SPARCL1: variants seen among roughly 807,000 people sequenced by gnomAD.
SPARCL1 encodes the protein SPARC like 1.
SPARCL1 carries 52 observed loss-of-function variants against 67.1 expected under a neutral mutation model. That is an observed-to-expected ratio of 0.78 (90% CI 0.62 to 0.98). SPARCL1 has a LOEUF of 0.98. Among genes scored for constraint, SPARCL1 ranks in the 50% least tolerant of loss-of-function variants. The pLI is 0.00. For missense variants in SPARCL1, 717 were observed against 782.4 expected (o/e 0.92, Z 1.00); for synonymous variants, 226 against 267.8 (o/e 0.84, Z 1.52).
At chr4:87,492,380 T>A (rs1379736263) in intron 4 of SPARCL1, among the ~76,000 whole-genome samples, 1 of 146,148 alleles carries the variant, frequency 6.8e-6, no homozygotes, top group East Asian at 2.0e-4. Context: ...ATTGCGCCAC[T>A]GCACTCCAAC....
chr4:87,490,769 G>T lies in SPARCL1; in HGVS notation c.1401C>A (p.Pro467=). 6.2e-7 allele frequency: 1 copy of T among 1,600,966 alleles called. No individual in the cohort carries two copies. Among genetic ancestry groups the T allele is most frequent in the Non-Finnish European group, 8.5e-7 (1 of 1,170,760 alleles). Residue 467 remains proline (P), a synonymous_variant, in exon 6 of 11, where the codon CCC becomes CCA. Transcript: ENST00000282470. ...TTTGCAGAATACTTACTTGATCAAG[G>T]GGTTTTGTTGGAGGACAAGTCACTG... ...QDPVTCPPTK[P]LDQVCGTDNQ...
intron 1 of SPARCL1, among the ~76,000 whole-genome samples, chr4:87,513,678 T>C (rs1054047533): frequency 2.0e-5 from 3 of 152,170 alleles, no homozygotes; most frequent in African/African-American, 4.8e-5. Context: ...TAACTACATA[T>C]GTCTTGTATT....
chr4:87,497,469 C>T lies in SPARCL1; in HGVS notation c.54+2052G>A, dbSNP rs138402270. On this transcript the variant is annotated intron_variant, in intron 2 of 10. Coordinates refer to ENST00000282470, the MANE Select transcript of SPARCL1 (RefSeq NM_004684.6). ...CACACAAAAAATGGCAGCTCTTTTA[C>T]TTTCAGAAATATTCTGCAATTGAAA... Among the ~76,000 whole-genome samples the T allele has an allele frequency of 1.3e-4, 20 of 152,322 alleles. No individual in the cohort carries two copies. The East Asian group carries it at 3.7e-3, about 28-fold the overall frequency.
intron 7 of SPARCL1, among the ~76,000 whole-genome samples, chr4:87,484,331 A>G (rs1007833850): frequency 6.6e-6 from 1 of 150,742 alleles, no homozygotes; most frequent in Non-Finnish European, 1.5e-5. Context: ...ACCATTTATT[A>G]AATAAGGAAT....
At chr4:87,476,175 GCCTCTATTTA>G (rs986453927) in intron 10 of SPARCL1, among the ~76,000 whole-genome samples, 9 of 152,154 alleles carry the variant, frequency 5.9e-5, no homozygotes, top group East Asian at 1.9e-4. Context: ...AGTGGAAGAT[GCCTCTATTTA>G]CCTCTATTTA....
intron 8 of SPARCL1, among the ~76,000 whole-genome samples, chr4:87,481,256 C>T (rs547687234): frequency 2.6e-5 from 4 of 152,284 alleles, no homozygotes; most frequent in South Asian, 2.1e-4. Context: ...GGACATGTAT[C>T]GAAGAACGCC....
intron 1 of SPARCL1, among the ~76,000 whole-genome samples, chr4:87,520,316 T>C (rs1326145318): frequency 6.6e-6 from 1 of 150,656 alleles, no homozygotes; most frequent in East Asian, 2.0e-4. Flanking sequence ...AATTCACTAA[T>C]TTATTTATCA....
intron 1 of SPARCL1, among the ~76,000 whole-genome samples, chr4:87,521,391 T>C (rs1252475354): frequency 6.6e-6 from 1 of 152,184 alleles, no homozygotes; most frequent in Non-Finnish European, 1.5e-5. Flanking sequence ...CAGTCATCCA[T>C]ACCTCTGAAA....
intron 4 of SPARCL1, among the ~76,000 whole-genome samples, chr4:87,492,347 G>A (rs376736396): frequency 2.6e-5 from 4 of 151,606 alleles, no homozygotes; most frequent in Non-Finnish European, 1.5e-5. Flanking sequence ...GAACCTGGGA[G>A]GCAGAGGTTG....
chr4:87,479,378 G>A (rs1183956601), intron 10 of SPARCL1, 52 bp downstream of exon 10: 2 of 1,584,190 alleles, frequency 1.3e-6, no homozygotes, highest in African/African-American at 2.7e-5. Flanking sequence ...CAGGGCTTAG[G>A]GCTTGTCTGA....
intron 7 of SPARCL1, among the ~76,000 whole-genome samples, chr4:87,486,452 C>A (rs1442679123): frequency 6.6e-6 from 1 of 152,044 alleles, no homozygotes; most frequent in Non-Finnish European, 1.5e-5. Flanking sequence ...TCCATTCTTT[C>A]ACATCTGCTG....
intron 1 of SPARCL1, among the ~76,000 whole-genome samples, chr4:87,513,667 T>C (rs1291297616): frequency 6.6e-6 from 1 of 152,146 alleles, no homozygotes. Context: ...ATATCTTGTA[T>C]TAACTACATA....
intron 1 of SPARCL1, among the ~76,000 whole-genome samples, chr4:87,522,878 C>T (rs1046204762): frequency 1.1e-4 from 16 of 151,930 alleles, no homozygotes; most frequent in African/African-American, 1.9e-4. Context: ...CAAATCCTGC[C>T]GTAAAAAAGA....
intron 1 of SPARCL1, among the ~76,000 whole-genome samples, chr4:87,501,868 G>A (rs748136482): frequency 2.6e-5 from 4 of 151,450 alleles, no homozygotes; most frequent in Admixed American, 6.6e-5. Context: ...AGAATTCTGG[G>A]GTTGATTCTC....
chr4:87,478,388 T>C (rs1489834273), intron 10 of SPARCL1, among the ~76,000 whole-genome samples: 2 of 152,080 alleles, frequency 1.3e-5, no homozygotes, highest in African/African-American at 4.8e-5. Flanking sequence ...TGTGTGTGTG[T>C]GTGGTGAGAA....
At chr4:87,474,807 G>A (rs529023389) in intron 10 of SPARCL1, among the ~76,000 whole-genome samples, 49 of 146,430 alleles carry the variant, frequency 3.3e-4, no homozygotes, top group African/African-American at 7.7e-4. Flanking sequence ...AAGTGGCGCA[G>A]TCTCGGCTCA....
At chr4:87,489,233 G>T (rs899425136) in intron 7 of SPARCL1, among the ~76,000 whole-genome samples, 7 of 152,210 alleles carry the variant, frequency 4.6e-5, no homozygotes, top group African/African-American at 1.7e-4. Flanking sequence ...GCACCCGAAG[G>T]AATCTCCTGG....
At chr4:87,518,316 C>T (rs1175777541) in intron 1 of SPARCL1, among the ~76,000 whole-genome samples, 1 of 152,132 alleles carries the variant, frequency 6.6e-6, no homozygotes, top group African/African-American at 2.4e-5. Flanking sequence ...TCCCCTCAAG[C>T]CAGGCTTAAT....
At chr4:87,482,674 C>A in intron 7 of SPARCL1, 114 bp from the exon 8 acceptor site, 1 of 1,100,120 alleles carries the variant, frequency 9.1e-7, no homozygotes, top group Middle Eastern at 3.0e-4. Flanking sequence ...TCTCAGGTCC[C>A]CATTATTATG....
Sources: gnomAD v4.1 joint callset for allele counts (sites outside exome capture counted in the v4.1 genomes callset) on GRCh38, gnomAD v4.1.1 for gene constraint, MANE v1.5 for transcripts, NCBI Gene and HGNC (gene_info 2026-07-23, HGNC 2026-07-21) for gene names.